Variants in HDAC9 observed in about 807,000 individuals in gnomAD.
The protein encoded by HDAC9 is MEF-2 interacting transcription repressor (MITR) protein.
Under a neutral mutation model 139.4 loss-of-function variants are expected in HDAC9, and 41 were observed. The observed-to-expected ratio is 0.29, with a 90% CI of 0.23 to 0.38. The LOEUF (loss-of-function observed/expected upper bound fraction) is 0.38, where lower values mean the gene tolerates loss of function less well. HDAC9 is among the 10% of genes least tolerant of loss of function. HDAC9 has a pLI of 1.00. For missense variants in HDAC9, 1,147 were observed against 1,297.0 expected (o/e 0.88, Z 1.78); for synonymous variants, 517 against 476.2 (o/e 1.09, Z -1.12).
intron 2 of HDAC9, among the ~76,000 whole-genome samples, chr7:18,178,106 CAG>C (rs1431786988): frequency 6.9e-6 from 1 of 144,204 alleles, no homozygotes; most frequent in Non-Finnish European, 1.5e-5. Context: ...TCCTCTTTGA[CAG>C]AGTCTTGCTC....
chr7:18,511,910 A>G (rs947955040), intron 2 of HDAC9, among the ~76,000 whole-genome samples: 5 of 151,580 alleles, frequency 3.3e-5, no homozygotes, highest in African/African-American at 9.7e-5. Flanking sequence ...TTCATATGCT[A>G]TTAGCCATAT....
intron 1 of HDAC9, among the ~76,000 whole-genome samples, chr7:18,390,226 G>T (rs913872762): frequency 6.6e-6 from 1 of 151,966 alleles, no homozygotes; most frequent in Non-Finnish European, 1.5e-5. Context: ...AGTAATTCTC[G>T]GATAATGACT....
At chr7:18,805,245 T>C (rs1189636988) in intron 17 of HDAC9, among the ~76,000 whole-genome samples, 4 of 152,114 alleles carry the variant, frequency 2.6e-5, no homozygotes, top group African/African-American at 9.6e-5. Flanking sequence ...AGGAGTAGCT[T>C]TTCAGTCTTT....
At chr7:18,602,057 T>C (rs1264200340) in intron 6 of HDAC9, among the ~76,000 whole-genome samples, 1 of 152,168 alleles carries the variant, frequency 6.6e-6, no homozygotes. Context: ...TTTAAGTATT[T>C]GGTAAAATTT....
chr7:18,665,939 C>T (rs1794736757), intron 11 of HDAC9, among the ~76,000 whole-genome samples: 1 of 152,010 alleles, frequency 6.6e-6, no homozygotes, highest in African/African-American at 2.4e-5. Flanking sequence ...ACACCATGTT[C>T]TAACTGCATT....
chr7:18,352,932 A>G (rs1782963644), intron 1 of HDAC9, among the ~76,000 whole-genome samples: 1 of 152,162 alleles, frequency 6.6e-6, no homozygotes, highest in Non-Finnish European at 1.5e-5. Flanking sequence ...CTCGGCGGCC[A>G]GCAAAATATC....
At chr7:18,263,171 A>T (rs2128208039) in intron 2 of HDAC9, among the ~76,000 whole-genome samples, 1 of 152,198 alleles carries the variant, frequency 6.6e-6, no homozygotes, top group East Asian at 1.9e-4. Flanking sequence ...AGAATGGAGG[A>T]AGATATGCCA....
intron 1 of HDAC9, among the ~76,000 whole-genome samples, chr7:18,122,027 C>T (rs1377919485): frequency 2.6e-5 from 4 of 152,132 alleles, no homozygotes; most frequent in Non-Finnish European, 5.9e-5. Context: ...CTTCAACATG[C>T]CAGTTCCCCA....
chr7:18,510,636 A>G (rs1801203897), intron 2 of HDAC9, among the ~76,000 whole-genome samples: 1 of 152,156 alleles, frequency 6.6e-6, no homozygotes, highest in Non-Finnish European at 1.5e-5. Flanking sequence ...TTATTTGACA[A>G]GGGGGCAAGG....
chr7:18,847,561 C>A (rs1012581617), intron 21 of HDAC9, among the ~76,000 whole-genome samples: 1 of 152,134 alleles, frequency 6.6e-6, no homozygotes. Flanking sequence ...TGTCCTGACA[C>A]CCTGAGGAAT....
rs555422657 is a variant in HDAC9, at chr7:18,506,409, T to C, written c.22+10085T>C. 1.4e-3 allele frequency among the ~76,000 whole-genome samples: 210 copies of C among 152,328 alleles called. 2 individuals are homozygous for C. Among genetic ancestry groups the C allele is most frequent in the Middle Eastern group, 0.014 (4 of 294 alleles). ...CTCCATTTGGTGTTAATATTGCTCA[T>C]AAACAGAGCTTCTTGGGGCTGTTGA... is the stretch of plus-strand genomic sequence containing the variant. On this transcript the variant is annotated intron_variant, in intron 2 of 25. Transcript: ENST00000686413.
At chr7:18,490,654 A>T (rs1796295838) in intron 1 of HDAC9, among the ~76,000 whole-genome samples, 2 of 152,016 alleles carry the variant, frequency 1.3e-5, no homozygotes, top group Non-Finnish European at 2.9e-5. Flanking sequence ...TAAGAAATAG[A>T]AAATTCAGAT....
chr7:18,410,639 C>T (rs1788455097), intron 1 of HDAC9, among the ~76,000 whole-genome samples: 1 of 152,002 alleles, frequency 6.6e-6, no homozygotes, highest in African/African-American at 2.4e-5. Context: ...TTTAAAATCT[C>T]ATTTTAAAAT....
At chr7:18,936,715 C>A (rs1781661043) in intron 23 of HDAC9, among the ~76,000 whole-genome samples, 1 of 152,018 alleles carries the variant, frequency 6.6e-6, no homozygotes, top group Non-Finnish European at 1.5e-5. Context: ...ATGCATTTTG[C>A]CTTTCTTTTA....
intron 2 of HDAC9, among the ~76,000 whole-genome samples, chr7:18,163,629 A>G (rs1358794948): frequency 6.6e-6 from 1 of 152,132 alleles, no homozygotes; most frequent in South Asian, 2.1e-4. Flanking sequence ...ACCAGCCTCT[A>G]CAGACAACCT....
intron 2 of HDAC9, among the ~76,000 whole-genome samples, chr7:18,571,482 T>C (rs1441304821): frequency 1.3e-5 from 2 of 152,222 alleles, no homozygotes; most frequent in African/African-American, 4.8e-5. Context: ...TGGTTTTATA[T>C]GTTGGAACTG....
chr7:18,406,624 C>T (rs1585673700), intron 1 of HDAC9, among the ~76,000 whole-genome samples: 1 of 152,086 alleles, frequency 6.6e-6, no homozygotes, highest in Admixed American at 6.5e-5. Context: ...CTCCTGACCT[C>T]GTGATCCACC....
chr7:18,666,659 C>A, intron 12 of HDAC9, 183 bp downstream of exon 12: 1 of 1,393,912 alleles, frequency 7.2e-7, no homozygotes, highest in Admixed American at 2.9e-5. Context: ...AGAGGTCTTT[C>A]TATATACTGA....
At chr7:18,422,732 A>G (rs987876979) in intron 1 of HDAC9, among the ~76,000 whole-genome samples, 4 of 18,526 alleles carry the variant, frequency 2.2e-4, no homozygotes, top group Non-Finnish European at 3.5e-4. Flanking sequence ...TAGCTTTAAG[A>G]CACACACACG....
Sources: allele counts gnomAD v4.1 joint callset (sites outside exome capture counted in the v4.1 genomes callset), GRCh38; gene constraint gnomAD v4.1.1; transcripts MANE v1.5; gene names NCBI Gene and HGNC (gene_info 2026-07-23, HGNC 2026-07-21).